The following SOX13 variants were observed in gnomAD, a reference collection of about 807,000 sequenced individuals.
The protein encoded by SOX13 is SRY-box transcription factor 13, also known as transcription factor SOX-13.
A neutral mutation model predicts 71.8 loss-of-function variants in SOX13; 28 were observed. The ratio of observed to expected loss-of-function variants is 0.39; its 90% CI spans 0.29 to 0.53. The LOEUF (loss-of-function observed/expected upper bound fraction) is 0.53, where lower values mean the gene tolerates loss of function less well. SOX13 is among the 20% of genes least tolerant of loss of function. The pLI is 0.70. For missense variants in SOX13, 627 were observed against 810.3 expected, an observed-to-expected ratio of 0.77 and a Z score of 2.75; for synonymous variants, 309 against 317.8, an observed-to-expected ratio of 0.97 and a Z score of 0.29.
chr1:204,080,978 C>G (rs1330480786), intron 1 of SOX13, among the ~76,000 whole-genome samples: 1 of 146,306 alleles, frequency 6.8e-6, no homozygotes, highest in Non-Finnish European at 1.5e-5. Context: ...ATGGTGCCAT[C>G]TCAGCTCACC....
Position 204,126,552 on chromosome 1 carries a change from G to GT in SOX13, c.*418_*419insT. The GT allele has an allele frequency of 7.8e-5, 18 of 232,200 alleles. No individual in the cohort carries two copies. The highest frequency in any genetic ancestry group is 1.3e-4 in the Non-Finnish European group (15 of 116,864). 14.4% of individuals were successfully genotyped at this position (232,200 alleles called of 1,614,324 possible). On this transcript the variant is annotated 3_prime_UTR_variant, in exon 14 of 14. Transcript: ENST00000367204. Reference sequence around the variant, plus strand: ...CCAACACCCCTCCCACACTCCCCCAGACTGCTCGTCTATCACCAGGATCGC... The same window carrying GT: ...CCAACACCCCTCCCACACTCCCCCAGTACTGCTCGTCTATCACCAGGATCGC...
chr1:204,078,887 A>C (rs1465773889), intron 1 of SOX13, among the ~76,000 whole-genome samples: 1 of 152,250 alleles, frequency 6.6e-6, no homozygotes, highest in East Asian at 1.9e-4. Flanking sequence ...TTTTTAAAAA[A>C]TGCAAATACT....
At chr1:204,119,021 G>A (rs1270694925) in intron 7 of SOX13, 1 of 152,236 alleles carries the variant, frequency 6.6e-6, no homozygotes, top group Non-Finnish European at 1.5e-5. Context: ...ATTACCCCAG[G>A]AGTGTGGACA....
At chr1:204,113,174 G>T (rs766193370) in intron 2 of SOX13, 40 bp downstream of exon 2, 5 of 1,449,422 alleles carry the variant, frequency 3.4e-6, no homozygotes. Context: ...ACACCCATGC[G>T]CTGTACCTGG....
chr1:204,117,171 T>A lies in SOX13; in HGVS notation c.641T>A (p.Leu214His). The change falls in exon 6 of 14, where the codon CTC becomes CAC. Residue 214 changes from leucine (L) to histidine (H), a missense_variant. This residue lies in a region of SOX13 where 447 missense variants were observed against 532.2 expected (regional missense o/e 0.84). Coordinates refer to ENST00000367204, the MANE Select transcript of SOX13 (RefSeq NM_005686.3). Reference sequence around the variant, plus strand: ...ATTCAGCAGCAGCATAAGATCAACCTCCTTCAGCAGCAGATCCAGGTAACC... The same window carrying A: ...ATTCAGCAGCAGCATAAGATCAACCACCTTCAGCAGCAGATCCAGGTAACC... ...QLIQQQHKIN[L>H]LQQQIQQVNM... 1.2e-6 allele frequency: 2 copies of A among 1,613,880 alleles called. No homozygotes were observed. Among genetic ancestry groups the A allele is most frequent in the Non-Finnish European group, 1.7e-6 (2 of 1,179,860 alleles).
chr1:204,121,730 G>A (rs948876212), intron 7 of SOX13, 170 bp from the exon 8 acceptor site: 8 of 682,078 alleles, frequency 1.2e-5, no homozygotes, highest in Non-Finnish European at 1.9e-5. Context: ...TGTGGAGTGA[G>A]GGGATAGGAG....
Position 204,123,005 on chromosome 1 carries a change from T to C in SOX13, c.1134+42T>C. The C allele has an allele frequency of 2.6e-6, 4 of 1,516,100 alleles. No homozygotes were observed. Among genetic ancestry groups the C allele is most frequent in the Non-Finnish European group, 3.6e-6 (4 of 1,097,852 alleles). The allele number at this position is 1,516,100 out of a possible 1,614,324, so 93.9% of individuals were successfully genotyped here. A position where few individuals can be genotyped will look rare whatever the true frequency, so the allele number is the denominator to read the frequency against. ...CCTTGAGCCTAGGGGCAGCAACAGA[T>C]GGTGGCCAGGAGTGGAAGACACAGT... On this transcript the variant is annotated intron_variant, in intron 10 of 13. Transcript: ENST00000367204. The surrounding 1 kb of genome is among the most constrained non-coding windows in gnomAD (Gnocchi z 5.0).
At position 204,116,876 on chromosome 1, in the gene SOX13, G is replaced by A. The variant is rs565735414; in HGVS notation, c.591+197G>A. On this transcript the variant is annotated intron_variant, in intron 5 of 13. Transcript: ENST00000367204. Reference sequence around the variant, plus strand: ...CCCTTGTACAGGGTTAGGGGTGGGAGGGTATGAAAGGGACTCTGCAGGAAG... The same window carrying A: ...CCCTTGTACAGGGTTAGGGGTGGGAAGGTATGAAAGGGACTCTGCAGGAAG... 2.6e-5 allele frequency among the ~76,000 whole-genome samples: 4 copies of A among 152,302 alleles called. No individual in the cohort carries two copies. In the South Asian group the frequency reaches 8.3e-4, roughly 32 times the overall value.
At chr1:204,122,830 C>T (rs779343801) in intron 9 of SOX13, 24 bp from the exon 10 acceptor site, 7 of 1,434,952 alleles carry the variant, frequency 4.9e-6, no homozygotes, top group Middle Eastern at 1.7e-4. Context: ...GCTTCTCTTC[C>T]CTCTCTTCTG....
intron 1 of SOX13, among the ~76,000 whole-genome samples, chr1:204,108,633 T>G (rs1656516202): frequency 1.3e-5 from 2 of 152,202 alleles, no homozygotes; most frequent in South Asian, 4.1e-4. Flanking sequence ...GAGAGACCCT[T>G]AGGACCCAAG....
At chr1:204,125,396 C>G (rs935725469) in intron 13 of SOX13, among the ~76,000 whole-genome samples, 3 of 152,018 alleles carry the variant, frequency 2.0e-5, no homozygotes, top group African/African-American at 7.3e-5. Context: ...GAAACCTCAT[C>G]TTTAAATAAA....
intron 1 of SOX13, among the ~76,000 whole-genome samples, chr1:204,094,934 G>A (rs1656221628): frequency 6.6e-6 from 1 of 152,124 alleles, no homozygotes; most frequent in Admixed American, 6.5e-5. Flanking sequence ...ACCTCAAATG[G>A]ATGAGTCCCT....
intron 1 of SOX13, among the ~76,000 whole-genome samples, chr1:204,090,655 C>T (rs1309570724): frequency 6.6e-6 from 1 of 152,158 alleles, no homozygotes; most frequent in East Asian, 1.9e-4. Context: ...AAGTGATCCA[C>T]CCGCCTGGGC....
chr1:204,120,525 G>A (rs1334252369), intron 7 of SOX13, among the ~76,000 whole-genome samples: 1 of 152,228 alleles, frequency 6.6e-6, no homozygotes, highest in Non-Finnish European at 1.5e-5. Context: ...CCCACAGCAT[G>A]GGCTCCGTAC....
chr1:204,076,618 A>G (rs1257549773), intron 1 of SOX13, among the ~76,000 whole-genome samples: 1 of 152,216 alleles, frequency 6.6e-6, no homozygotes, highest in African/African-American at 2.4e-5. Context: ...CTGAGCAACC[A>G]GGAGGAAGAA....
chr1:204,123,104 C>T lies in SOX13; in HGVS notation c.1135-8C>T, dbSNP rs749991269. ...GAGGCTGATGTCAGGTTGCCCCTGT[C>T]AACCTAGGACCTCATCAGCCTGGAC... On this transcript the variant is annotated splice_polypyrimidine_tract_variant and splice_region_variant and intron_variant, in intron 10 of 13. Transcript: ENST00000367204. The surrounding 1 kb of genome is among the most constrained non-coding windows in gnomAD (Gnocchi z 5.0). The T allele has an allele frequency of 2.0e-5, 33 of 1,611,986 alleles. No individual in the cohort carries two copies. The South Asian group carries it at 3.1e-4, about 15-fold the overall frequency.
chr1:204,084,663 T>A (rs1345871809), intron 1 of SOX13, among the ~76,000 whole-genome samples: 1 of 152,088 alleles, frequency 6.6e-6, no homozygotes, highest in Non-Finnish European at 1.5e-5. Flanking sequence ...ACAAAGGGCC[T>A]CTTGTCTCCT....
intron 1 of SOX13, among the ~76,000 whole-genome samples, chr1:204,102,522 T>C (rs1349214678): frequency 2.6e-5 from 4 of 152,028 alleles, no homozygotes; most frequent in Non-Finnish European, 1.5e-5. Context: ...CTGTTTGCAC[T>C]GTGGGGCACC....
chr1:204,090,694 A>T (rs1423656743), intron 1 of SOX13, among the ~76,000 whole-genome samples: 1 of 152,158 alleles, frequency 6.6e-6, no homozygotes, highest in Admixed American at 6.5e-5. Flanking sequence ...TACAGGTGTG[A>T]GCCACCATGC....
Sources: gnomAD v4.1 joint callset for allele counts (sites outside exome capture counted in the v4.1 genomes callset) on GRCh38, gnomAD v4.1.1 for gene constraint, gnomAD v4.1.1 regional missense constraint, Gnocchi (gnomAD v3.1) non-coding constraint, MANE v1.5 for transcripts, NCBI Gene and HGNC (gene_info 2026-07-23, HGNC 2026-07-21) for gene names.